PTPRK: variants seen among roughly 807,000 people sequenced by gnomAD.
The protein encoded by PTPRK is receptor-type tyrosine-protein phosphatase kappa.
PTPRK carries 75 observed loss-of-function variants against 178.0 expected under a neutral mutation model. The ratio of observed to expected loss-of-function variants is 0.42; its 90% CI spans 0.35 to 0.51. The LOEUF is 0.51. Among genes scored for constraint, PTPRK ranks in the 20% least tolerant of loss-of-function variants. The pLI, the probability that PTPRK is intolerant of heterozygous loss-of-function variation, is 0.02. For missense variants in PTPRK, 1,441 were observed against 1,797.8 expected (o/e 0.80, Z 3.59); for synonymous variants, 637 against 620.6 (o/e 1.03, Z -0.39).
intron 1 of PTPRK, among the ~76,000 whole-genome samples, chr6:128,405,557 T>C (rs1298602810): frequency 6.6e-6 from 1 of 152,142 alleles, no homozygotes; most frequent in Non-Finnish European, 1.5e-5. Flanking sequence ...AATTCTCAAC[T>C]GAAGCCATAT....
At chr6:128,052,549 A>G (rs150173761) in intron 13 of PTPRK, among the ~76,000 whole-genome samples, 312 of 152,328 alleles carry the variant, frequency 2.0e-3, no homozygotes, top group African/African-American at 7.0e-3. Context: ...AAATGTTTAG[A>G]TTAAGGATAT....
At chr6:128,371,889 A>AG (rs1420028248) in intron 2 of PTPRK, among the ~76,000 whole-genome samples, 9 of 150,868 alleles carry the variant, frequency 6.0e-5, no homozygotes, top group Non-Finnish European at 1.0e-4. Context: ...AAAAAAAAAA[A>AG]AGAGAGAGAG....
intron 1 of PTPRK, among the ~76,000 whole-genome samples, chr6:128,414,813 T>C (rs1039714746): frequency 2.0e-5 from 3 of 152,186 alleles, no homozygotes; most frequent in Non-Finnish European, 4.4e-5. Context: ...TTAAGTTTTA[T>C]ATTATTTAAT....
chr6:128,477,815 A>G (rs755289915), intron 1 of PTPRK, among the ~76,000 whole-genome samples: 4 of 152,122 alleles, frequency 2.6e-5, no homozygotes, highest in Non-Finnish European at 4.4e-5. Context: ...CCTGATTTTA[A>G]AAAGATCATA....
At chr6:128,325,521 G>A (rs910691748) in intron 2 of PTPRK, among the ~76,000 whole-genome samples, 1 of 152,012 alleles carries the variant, frequency 6.6e-6, no homozygotes, top group Non-Finnish European at 1.5e-5. Context: ...GATATGAACA[G>A]ACACTTTTCA....
intron 17 of PTPRK, 67 bp from the exon 18 acceptor site, chr6:127,995,605 T>C: frequency 3.1e-6 from 3 of 977,358 alleles, no homozygotes; most frequent in East Asian, 2.6e-5. Context: ...ATGTCATTGG[T>C]AGAGACTAAA....
rs1163869553 is a variant in PTPRK, at chr6:128,397,573, C to A, written c.216G>T (p.Met72Ile). Residue 72 changes from methionine (M) to isoleucine (I), a missense_variant, in exon 2 of 30, where the codon ATG becomes ATT. Met to Ile is a conservative substitution (Grantham distance 10). This residue lies in a region of PTPRK where 158 missense variants were observed against 188.0 expected (regional missense o/e 0.84). Coordinates refer to ENST00000368226, the MANE Select transcript of PTPRK (RefSeq NM_002844.4). ...AQEPHYLPPE[M>I]PQGSYMIVDS... ...AAACAGAGTGACTCTCACCTTGGGG[C>A]ATCTCGGGTGGTAGATAATGAGGCT... 1.9e-6 allele frequency: 3 copies of A among 1,613,792 alleles called. No homozygotes were observed. In the Admixed American group the frequency reaches 5.0e-5, roughly 27 times the overall value.
intron 8 of PTPRK, among the ~76,000 whole-genome samples, chr6:128,086,565 T>C (rs1450269917): frequency 6.6e-6 from 1 of 152,164 alleles, no homozygotes; most frequent in Admixed American, 6.5e-5. Flanking sequence ...TGGCTGATAA[T>C]TTATTCTTTT....
intron 7 of PTPRK, among the ~76,000 whole-genome samples, chr6:128,175,162 G>C (rs1200836936): frequency 2.0e-5 from 3 of 151,788 alleles, no homozygotes; most frequent in Non-Finnish European, 4.4e-5. Context: ...GATAGTCTTG[G>C]TTTTTCTCCT....
intron 1 of PTPRK, among the ~76,000 whole-genome samples, chr6:128,434,056 G>A (rs907774210): frequency 2.0e-5 from 3 of 151,092 alleles, no homozygotes; most frequent in Admixed American, 6.7e-5. Context: ...ATTAGGCAAC[G>A]GTGGCTGACA....
chr6:127,985,618 G>T, intron 22 of PTPRK, 103 bp downstream of exon 22: 1 of 1,295,164 alleles, frequency 7.7e-7, no homozygotes, highest in Non-Finnish European at 1.1e-6. Context: ...AAGCAAGCTG[G>T]AACTTCGTAA....
At chr6:128,022,671 G>T (rs1027338709) in intron 13 of PTPRK, among the ~76,000 whole-genome samples, 1 of 152,166 alleles carries the variant, frequency 6.6e-6, no homozygotes, top group Non-Finnish European at 1.5e-5. Flanking sequence ...AGATCAAACA[G>T]CTGGCTGGGG....
rs539669417 is a variant in PTPRK, at chr6:128,197,276, G to A, written c.869-12551C>T. 2.4e-4 allele frequency among the ~76,000 whole-genome samples: 36 copies of A among 149,442 alleles called. 1 individual carries two copies. In the South Asian group the frequency reaches 7.4e-3, roughly 31 times the overall value. On this transcript the variant is annotated intron_variant, in intron 6 of 29. Transcript: ENST00000368226. ...TGTTACATAGGTATACATGTGCCACGGTGGTTTGCTGCACCTATCAACCTG... is the reference window on the plus strand; with the variant it reads ...TGTTACATAGGTATACATGTGCCACAGTGGTTTGCTGCACCTATCAACCTG...
intron 21 of PTPRK, among the ~76,000 whole-genome samples, chr6:127,988,959 T>G (rs1367615095): frequency 6.6e-6 from 1 of 152,048 alleles, no homozygotes; most frequent in African/African-American, 2.4e-5. Context: ...ATGAGGTAAA[T>G]TTTGATGTAA....
Position 128,365,982 on chromosome 6 carries a change from A to C in PTPRK, c.223+31584T>G, listed in dbSNP as rs200724675. On this transcript the variant is annotated intron_variant, in intron 2 of 29. Transcript: ENST00000368226. ...AATCTTTCTGCAAACATTAGGTGACAACTGAGCCAGATTTCCTCTAAGTTC... is the reference window on the plus strand; with the variant it reads ...AATCTTTCTGCAAACATTAGGTGACCACTGAGCCAGATTTCCTCTAAGTTC... Among the ~76,000 whole-genome samples the C allele has an allele frequency of 4.6e-5, 7 of 152,148 alleles. No homozygotes were observed. The East Asian group carries it at 1.3e-3, about 29-fold the overall frequency.
intron 6 of PTPRK, among the ~76,000 whole-genome samples, chr6:128,218,377 C>T (rs1170244909): frequency 2.0e-5 from 3 of 152,178 alleles, no homozygotes; most frequent in Non-Finnish European, 4.4e-5. Flanking sequence ...ATGTCATAAT[C>T]CCTGACATTC....
chr6:128,307,525 A>T (rs1276151792), intron 3 of PTPRK, among the ~76,000 whole-genome samples: 1 of 151,838 alleles, frequency 6.6e-6, no homozygotes, highest in Non-Finnish European at 1.5e-5. Context: ...AAAGAACTAT[A>T]AGAAACTGAA....
intron 7 of PTPRK, among the ~76,000 whole-genome samples, chr6:128,167,650 C>T (rs564775431): frequency 3.3e-5 from 5 of 152,004 alleles, no homozygotes; most frequent in Non-Finnish European, 5.9e-5. Context: ...AACTGCATTG[C>T]CAGGCAGAGT....
intron 1 of PTPRK, among the ~76,000 whole-genome samples, chr6:128,414,863 AATGTTAAC>A (rs1212841599): frequency 1.3e-5 from 2 of 152,202 alleles, no homozygotes; most frequent in African/African-American, 4.8e-5. Context: ...CTTGATATAA[AATGTTAAC>A]ATTTTATTTA....
Sources: gnomAD v4.1 joint callset for allele counts (sites outside exome capture counted in the v4.1 genomes callset) on GRCh38, gnomAD v4.1.1 for gene constraint, gnomAD v4.1.1 regional missense constraint, MANE v1.5 for transcripts, NCBI Gene and HGNC (gene_info 2026-07-23, HGNC 2026-07-21) for gene names.